Variants in WDR26 observed in about 807,000 individuals in gnomAD.
The protein encoded by WDR26 is WD repeat domain 26, also known as WD repeat-containing protein 26.
WDR26 carries 5 observed loss-of-function variants against 84.1 expected under a neutral mutation model. That is an observed-to-expected ratio of 0.06 (90% CI 0.03 to 0.13). The LOEUF is 0.13. Ranked by LOEUF, WDR26 falls within the 10% of genes least tolerant of loss-of-function variation. The pLI is 1.00. For synonymous variants in WDR26, 415 were observed against 389.6 expected, an observed-to-expected ratio of 1.07 and a Z score of -0.77; for missense variants, 642 against 974.9, an observed-to-expected ratio of 0.66 and a Z score of 4.55.
intron 6 of WDR26, chr1:224,413,204 A>AC (rs1673787518): frequency 2.4e-6 from 2 of 837,838 alleles, no homozygotes; most frequent in Non-Finnish European, 3.0e-6. Flanking sequence ...AACAACAACA[A>AC]AAACCCCCCC....
intron 7 of WDR26, among the ~76,000 whole-genome samples, chr1:224,410,627 CA>C (rs1200917101): frequency 6.7e-6 from 1 of 149,836 alleles, no homozygotes; most frequent in African/African-American, 2.5e-5. Flanking sequence ...CTTCAGAAGG[CA>C]AAAGAGTAAT....
At chr1:224,429,039 G>A (rs114867527) in intron 3 of WDR26, among the ~76,000 whole-genome samples, 18,990 of 151,812 alleles carry the variant, frequency 0.13, 1,367 homozygotes, top group Middle Eastern at 0.18. Context: ...TGGGGCGGGC[G>A]GATCACAAGG....
chr1:224,398,554 TGAAATAGTAA>T lies in WDR26; in HGVS notation c.1895_1904del (p.Phe632Ter). 6.2e-7 allele frequency: 1 copy of T among 1,610,512 alleles called. No individual in the cohort carries two copies. Among genetic ancestry groups the T allele is most frequent in the Admixed American group, 1.7e-5 (1 of 59,106 alleles). ...TTAACAAAGCTAATCGGCCATTTTTTGAAATAGTAAAAGACATAATAGGATGATCTTCTTG... is the reference window on the plus strand; with the variant it reads ...TTAACAAAGCTAATCGGCCATTTTTTAAGACATAATAGGATGATCTTCTTG... On this transcript the variant is annotated frameshift_variant, in exon 11 of 14. Transcript: ENST00000414423. LOFTEE classifies it high-confidence loss of function.
rs1000204906 is a variant in WDR26 at position 224,431,526 on chromosome 1, A to C, written c.878T>G (p.Val293Gly). The change falls in exon 3 of 14, where the codon GTG becomes GGG. Residue 293 changes from valine to glycine, a missense_variant. Transcript: ENST00000414423. ...AGAGATTTCAAGTGCGCCTCTTACCACAATAGCATGAGGAGAATGCACTAA... is the reference window on the plus strand; with the variant it reads ...AGAGATTTCAAGTGCGCCTCTTACCCCAATAGCATGAGGAGAATGCACTAA... The C allele has an allele frequency of 6.2e-7, 1 of 1,614,112 alleles. No homozygotes were observed. The highest frequency in any genetic ancestry group is 1.3e-5 in the African/African-American group (1 of 75,052).
chr1:224,434,409 G>T lies in WDR26; in HGVS notation c.-4C>A. The T allele has an allele frequency of 9.0e-7, 1 of 1,105,138 alleles. No homozygotes were observed. The highest frequency in any genetic ancestry group is 1.1e-6 in the Non-Finnish European group (1 of 908,786). The allele number at this position is 1,105,138 out of a possible 1,614,324, so 68.5% of individuals were successfully genotyped here. A position where few individuals can be genotyped will look rare whatever the true frequency, so the allele number is the denominator to read the frequency against. Reference sequence around the variant, plus strand: ...TTTCCTCGCCGAGAGAGGCCGTGGTGGGAAGCCGGTGGGGCGAGGCGGGGG... The same window carrying T: ...TTTCCTCGCCGAGAGAGGCCGTGGTTGGAAGCCGGTGGGGCGAGGCGGGGG... On this transcript the variant is annotated 5_prime_UTR_variant, in exon 1 of 14. Coordinates refer to ENST00000414423, the MANE Select transcript of WDR26 (RefSeq NM_001379403.1).
chr1:224,405,789 G>A (rs1384695092), intron 7 of WDR26, among the ~76,000 whole-genome samples: 2 of 152,206 alleles, frequency 1.3e-5, no homozygotes, highest in African/African-American at 4.8e-5. Flanking sequence ...AAGTGACAAG[G>A]CTGCAAGAGT....
intron 6 of WDR26, among the ~76,000 whole-genome samples, chr1:224,415,270 G>A (rs1673860172): frequency 6.6e-6 from 1 of 152,054 alleles, no homozygotes; most frequent in Non-Finnish European, 1.5e-5. Context: ...ATAGGTGAGA[G>A]GGAAAGGAAG....
At chr1:224,415,522 G>A (rs1351500903) in intron 6 of WDR26, among the ~76,000 whole-genome samples, 3 of 143,158 alleles carry the variant, frequency 2.1e-5, no homozygotes. Flanking sequence ...GTGCAGTGGC[G>A]TGATCTCTGC....
chr1:224,391,786 G>C (rs1673133600), intron 13 of WDR26, among the ~76,000 whole-genome samples: 2 of 152,142 alleles, frequency 1.3e-5, no homozygotes, highest in South Asian at 4.1e-4. Context: ...TAGAAAAAGT[G>C]TTTTGGGGGT....
chr1:224,401,183 G>A, intron 8 of WDR26, 114 bp from the exon 9 acceptor site: 1 of 1,032,824 alleles, frequency 9.7e-7, no homozygotes, highest in Non-Finnish European at 1.4e-6. Flanking sequence ...ATTCTAAGTA[G>A]AGTAATGAAT....
chr1:224,408,155 C>T (rs1673634513), intron 7 of WDR26, among the ~76,000 whole-genome samples: 1 of 152,242 alleles, frequency 6.6e-6, no homozygotes, highest in Non-Finnish European at 1.5e-5. Context: ...TTAACCTCAA[C>T]TCTAGTCTAC....
At position 224,395,865 on chromosome 1, in the gene WDR26, G is replaced by T. The variant is rs141451034; in HGVS notation, c.2075-1852C>A. On this transcript the variant is annotated intron_variant, in intron 12 of 13. Transcript: ENST00000414423. ...GCTGTATCAATCTGAGAAATCTATTGTTTATGCAAAGGTAAAAAAGTCCAG... is the reference window on the plus strand; with the variant it reads ...GCTGTATCAATCTGAGAAATCTATTTTTTATGCAAAGGTAAAAAAGTCCAG... Among the ~76,000 whole-genome samples, 453 of 152,282 alleles carry T rather than the reference G, an allele frequency of 3.0e-3. 4 individuals are homozygous for T. The highest frequency in any genetic ancestry group is 0.01 in the Middle Eastern group (3 of 294).
intron 9 of WDR26, among the ~76,000 whole-genome samples, chr1:224,399,258 G>T (rs1351230503): frequency 6.6e-6 from 1 of 151,938 alleles, no homozygotes; most frequent in East Asian, 1.9e-4. Flanking sequence ...GAGACACTTT[G>T]TAGCTCTATC....
At chr1:224,416,629 T>C (rs1339925767) in intron 6 of WDR26, among the ~76,000 whole-genome samples, 1 of 152,244 alleles carries the variant, frequency 6.6e-6, no homozygotes, top group Non-Finnish European at 1.5e-5. Flanking sequence ...TAGGTACTGA[T>C]GTAGATGTTA....
chr1:224,407,151 A>AAAAAAAAGAATATATATATATAT lies in WDR26; in HGVS notation c.1459-2582_1459-2581insATATATATATATATTCTTTTTTT. Among the ~76,000 whole-genome samples the AAAAAAAAGAATATATATATATAT allele has an allele frequency of 6.7e-4, 8 of 11,876 alleles. 3 individuals carry two copies. The highest frequency in any genetic ancestry group is 1.1e-3 in the Non-Finnish European group (8 of 7,118). The allele number at this position is 11,876 out of a possible 152,430, so 7.8% of individuals were successfully genotyped here. ...AAAAAAAAAAAAAAAAAAAAAAAAAAATATATATATATATATATATAACTC... is the reference window on the plus strand; with the variant it reads ...AAAAAAAAAAAAAAAAAAAAAAAAAAAAAAAAAGAATATATATATATATATATATATATATATATATATAACTC... On this transcript the variant is annotated intron_variant, in intron 7 of 13. Coordinates refer to ENST00000414423, the MANE Select transcript of WDR26 (RefSeq NM_001379403.1).
At position 224,389,868 on chromosome 1, in the gene WDR26, A is replaced by C; in HGVS notation, c.2261-8T>G. 1 of 1,494,406 alleles carries C rather than the reference A, an allele frequency of 6.7e-7. No homozygotes were observed. The highest frequency in any genetic ancestry group is 8.9e-7 in the Non-Finnish European group (1 of 1,121,196). 92.6% of individuals were successfully genotyped at this position (1,494,406 alleles called of 1,614,324 possible). On this transcript the variant is annotated splice_region_variant and splice_polypyrimidine_tract_variant and intron_variant, in intron 13 of 13. Transcript: ENST00000414423. ...CCATGCTACTGCATTCCTCTGAATG[A>C]AGACAAGATGAAATGTATGGGGGGC...
chr1:224,407,145 A>G (rs1312014088), intron 7 of WDR26, among the ~76,000 whole-genome samples: 1 of 23,636 alleles, frequency 4.2e-5, no homozygotes, highest in Non-Finnish European at 7.7e-5. Flanking sequence ...AAAAAAAAAA[A>G]AAAAAAATAT....
chr1:224,396,149 T>C (rs1673253449), intron 12 of WDR26, among the ~76,000 whole-genome samples: 1 of 152,224 alleles, frequency 6.6e-6, no homozygotes, highest in African/African-American at 2.4e-5. Flanking sequence ...AGAAGACTAA[T>C]CTCTGTACTT....
chr1:224,427,689 C>A (rs368736170), intron 3 of WDR26, among the ~76,000 whole-genome samples: 5 of 152,150 alleles, frequency 3.3e-5, no homozygotes, highest in African/African-American at 1.2e-4. Context: ...AGCTAGAGAT[C>A]TGTTTGAAAG....
Sources: allele counts gnomAD v4.1 joint callset (sites outside exome capture counted in the v4.1 genomes callset), GRCh38; gene constraint gnomAD v4.1.1; transcripts MANE v1.5; gene names NCBI Gene and HGNC (gene_info 2026-07-23, HGNC 2026-07-21).